The following KCNJ18 variants were observed in gnomAD, a reference collection of about 807,000 sequenced individuals.
KCNJ18 encodes potassium inwardly rectifying channel subfamily J member 18.
A neutral mutation model predicts 17.3 loss-of-function variants in KCNJ18; 16 were observed. The observed-to-expected ratio is 0.92, with a 90% CI of 0.62 to 1.40. KCNJ18 has a LOEUF of 1.40. KCNJ18 is among the 40% of genes most tolerant of loss of function. The pLI is 0.00. For synonymous variants in KCNJ18, 185 were observed against 262.6 expected (o/e 0.70, Z 2.86); for missense variants, 462 against 626.8 (o/e 0.74, Z 2.81).
At chr17:21,695,786 C>T (rs1905741015) in intron 1 of KCNJ18, among the ~76,000 whole-genome samples, 197 bp from the exon 2 acceptor site, 2 of 152,310 alleles carry the variant, frequency 1.3e-5, no homozygotes, top group African/African-American at 4.8e-5. Context: ...TTGTTCTGCT[C>T]TTCTCTGGTT....
At position 21,702,736 on chromosome 17, in the gene KCNJ18, G is replaced by A. The variant is rs1400167275; in HGVS notation, c.-51G>A. ...TGCTGTCCTCTCTGTTCCAGGAGCCGCCCTGCCTGGAGCTAGCCTGGGGGT... is the reference window on the plus strand; with the variant it reads ...TGCTGTCCTCTCTGTTCCAGGAGCCACCCTGCCTGGAGCTAGCCTGGGGGT... On this transcript the variant is annotated 5_prime_UTR_variant, in exon 3 of 3. Transcript: ENST00000567955. 22 of 1,535,018 alleles carry A rather than the reference G, an allele frequency of 1.4e-5. No individual in the cohort carries two copies. Among genetic ancestry groups the A allele is most frequent in the Admixed American group, 7.8e-5 (4 of 51,584 alleles).
At chr17:21,699,674 G>T (rs1905873956) in intron 2 of KCNJ18, among the ~76,000 whole-genome samples, 1 of 152,306 alleles carries the variant, frequency 6.6e-6, no homozygotes, top group Non-Finnish European at 1.5e-5. Flanking sequence ...TGCTCTCTGT[G>T]TGGTAAAACC....
chr17:21,704,150 G>T lies in KCNJ18; in HGVS notation c.*62G>T. ...CGGGGAGAGGCCCCGCGGTCGCTCAGGGGCCCTGGGTTTGAGCAGAACGGG... is the reference window on the plus strand; with the variant it reads ...CGGGGAGAGGCCCCGCGGTCGCTCATGGGCCCTGGGTTTGAGCAGAACGGG... On this transcript the variant is annotated 3_prime_UTR_variant, in exon 3 of 3. Coordinates refer to ENST00000567955, the MANE Select transcript of KCNJ18 (RefSeq NM_001194958.2). 2 of 1,464,084 alleles carry T rather than the reference G, an allele frequency of 1.4e-6. No individual in the cohort carries two copies. Among genetic ancestry groups the T allele is most frequent in the South Asian group, 1.4e-5 (1 of 69,216 alleles). 90.7% of individuals were successfully genotyped at this position (1,464,084 alleles called of 1,614,324 possible). A position where few individuals can be genotyped will look rare whatever the true frequency, so the allele number is the denominator to read the frequency against.
chr17:21,694,197 C>A (rs1362044918), intron 1 of KCNJ18, among the ~76,000 whole-genome samples: 1 of 152,128 alleles, frequency 6.6e-6, no homozygotes, highest in African/African-American at 2.4e-5. Context: ...GTGTGACAAA[C>A]CAGCCTCGGC....
At chr17:21,698,205 G>A (rs1396133757) in intron 2 of KCNJ18, among the ~76,000 whole-genome samples, 1 of 152,198 alleles carries the variant, frequency 6.6e-6, no homozygotes, top group African/African-American at 2.4e-5. Context: ...GTGGGGCACT[G>A]GTTTCACCCC....
At chr17:21,699,241 G>C (rs1362439670) in intron 2 of KCNJ18, among the ~76,000 whole-genome samples, 1 of 152,194 alleles carries the variant, frequency 6.6e-6, no homozygotes, top group South Asian at 2.1e-4. Context: ...GAGCCAAAAA[G>C]GCCTGTGTGT....
chr17:21,694,361 G>T (rs1435540113), intron 1 of KCNJ18, among the ~76,000 whole-genome samples: 2 of 151,750 alleles, frequency 1.3e-5, no homozygotes, highest in African/African-American at 2.4e-5. Flanking sequence ...AAGGCAGGGG[G>T]ATCCCTTTGA....
intron 2 of KCNJ18, 81 bp from the exon 3 acceptor site, chr17:21,702,650 T>C: frequency 1.1e-6 from 1 of 943,084 alleles, no homozygotes. Context: ...CGTCCTCCAG[T>C]CACGTCTGGG....
In KCNJ18 at chr17:21,692,601, G is replaced by C. The variant is rs1219083940; in HGVS notation, c.-292G>C. ...CTGTTTCTGCTTTCAGTGCCTACGT[G>C]GTGTCAGGAACGCCGGTCACAGTGA... On this transcript the variant is annotated 5_prime_UTR_variant, in exon 1 of 3. Coordinates refer to ENST00000567955, the MANE Select transcript of KCNJ18 (RefSeq NM_001194958.2). 1 of 152,360 alleles carries C rather than the reference G, an allele frequency of 6.6e-6. No individual in the cohort carries two copies. The highest frequency in any genetic ancestry group is 1.5e-5 in the Non-Finnish European group (1 of 68,114). The allele number at this position is 152,360 out of a possible 1,614,324, so 9.4% of individuals were successfully genotyped here. A position where few individuals can be genotyped will look rare whatever the true frequency, so the allele number is the denominator to read the frequency against.
rs1463857091 is a variant in KCNJ18, at chr17:21,692,678, G to A, written c.-215G>A. On this transcript the variant is annotated 5_prime_UTR_variant, in exon 1 of 3. Coordinates refer to ENST00000567955, the MANE Select transcript of KCNJ18 (RefSeq NM_001194958.2). ...TCGTCTCTGTGGGACAGATACTGAA[G>A]CCAGGGCTTGGCTTACCCTCGTGAC... 2.0e-5 allele frequency: 3 copies of A among 152,730 alleles called. No homozygotes were observed. The highest frequency in any genetic ancestry group is 2.0e-4 in the Admixed American group (3 of 15,294). The allele number at this position is 152,730 out of a possible 1,614,324, so 9.5% of individuals were successfully genotyped here. A position where few individuals can be genotyped will look rare whatever the true frequency, so the allele number is the denominator to read the frequency against.
chr17:21,694,833 C>T (rs1390493827), intron 1 of KCNJ18, among the ~76,000 whole-genome samples: 5 of 152,204 alleles, frequency 3.3e-5, no homozygotes, highest in East Asian at 1.9e-4. Context: ...TCCATGCACC[C>T]GTCACCCATT....
intron 1 of KCNJ18, among the ~76,000 whole-genome samples, chr17:21,694,994 G>GTCTATCCATCCATCCCATTCC (rs1905712969): frequency 6.9e-6 from 1 of 145,272 alleles, no homozygotes; most frequent in African/African-American, 2.6e-5. Context: ...CATCCCATTC[G>GTCTATCCATCCATCCCATTCC]TCTATCCATC....
intron 2 of KCNJ18, among the ~76,000 whole-genome samples, chr17:21,697,219 G>T (rs1293614872): frequency 2.0e-5 from 3 of 152,310 alleles, no homozygotes; most frequent in Non-Finnish European, 4.4e-5. Context: ...GGCCTGAGGT[G>T]GTAAGGGCCT....
chr17:21,703,862 C>T lies in KCNJ18; in HGVS notation c.1076C>T (p.Ala359Val), dbSNP rs1187689188. The change falls in exon 3 of 3, where the codon GCG becomes GTG. Residue 359 changes from alanine to valine, a missense_variant. Physicochemically the swap from Ala to Val is moderately conservative, Grantham distance 64. This residue lies in a region of KCNJ18 where 123 missense variants were observed against 117.5 expected (regional missense o/e 1.05). Coordinates refer to ENST00000567955, the MANE Select transcript of KCNJ18 (RefSeq NM_001194958.2). ...YEVPSTPRCS[A>V]KDLVENKFLL... is the part of the protein sequence containing the mutation. Reference sequence around the variant, plus strand: ...GTGCCCTCTACGCCCCGCTGCAGTGCGAAGGATCTGGTAGAGAACAAGTTC... The same window carrying T: ...GTGCCCTCTACGCCCCGCTGCAGTGTGAAGGATCTGGTAGAGAACAAGTTC... 49 of 1,612,554 alleles carry T rather than the reference C, an allele frequency of 3.0e-5. 1 individual carries two copies. Among genetic ancestry groups the T allele is most frequent in the Middle Eastern group, 3.3e-4 (2 of 5,972 alleles).
intron 2 of KCNJ18, among the ~76,000 whole-genome samples, chr17:21,702,342 G>A (rs1389689425): frequency 7.3e-6 from 1 of 136,678 alleles, no homozygotes; most frequent in East Asian, 2.4e-4. Context: ...AGCTTCCACA[G>A]GCCCTCTGTG....
intron 1 of KCNJ18, among the ~76,000 whole-genome samples, chr17:21,694,305 C>G (rs1905691119): frequency 6.6e-6 from 1 of 151,864 alleles, no homozygotes; most frequent in Non-Finnish European, 1.5e-5. Flanking sequence ...CCTCAGAGCC[C>G]CTTCCCACCA....
chr17:21,694,585 C>G (rs1413450916), intron 1 of KCNJ18, among the ~76,000 whole-genome samples: 1 of 150,570 alleles, frequency 6.6e-6, no homozygotes. Context: ...TCCACCCATC[C>G]ATCTATCCAT....
intron 2 of KCNJ18, among the ~76,000 whole-genome samples, 183 bp downstream of exon 2, chr17:21,696,287 G>A (rs1485350571): frequency 1.5e-5 from 2 of 130,140 alleles, no homozygotes; most frequent in African/African-American, 3.0e-5. Context: ...CCATCCCCTC[G>A]CCCATGCCAT....
At chr17:21,693,019 G>T (rs1198637924) in intron 1 of KCNJ18, among the ~76,000 whole-genome samples, 4 of 152,424 alleles carry the variant, frequency 2.6e-5, no homozygotes, top group African/African-American at 9.6e-5. Flanking sequence ...CTCCCCTGCG[G>T]GACGCTGTGG....
Sources: allele counts gnomAD v4.1 joint callset (sites outside exome capture counted in the v4.1 genomes callset), GRCh38; gene constraint gnomAD v4.1.1; regional missense constraint gnomAD v4.1.1; transcripts MANE v1.5; gene names NCBI Gene and HGNC (gene_info 2026-07-23, HGNC 2026-07-21).